Variants in CLSTN2 observed in about 807,000 individuals in gnomAD.
CLSTN2 encodes the protein calsyntenin-2.
CLSTN2 carries 48 observed loss-of-function variants against 101.2 expected under a neutral mutation model. The observed-to-expected ratio is 0.47, with a 90% CI of 0.38 to 0.60. The LOEUF is 0.60. Ranked by LOEUF, CLSTN2 falls within the 20% of genes least tolerant of loss-of-function variation. CLSTN2 has a pLI of 0.00. For synonymous variants in CLSTN2, 481 were observed against 463.6 expected, an observed-to-expected ratio of 1.04 and a Z score of -0.48; for missense variants, 1,160 against 1,238.2, an observed-to-expected ratio of 0.94 and a Z score of 0.95.
At chr3:140,198,015 G>C (rs140893137) in intron 2 of CLSTN2, among the ~76,000 whole-genome samples, 22 of 152,246 alleles carry the variant, frequency 1.4e-4, no homozygotes, top group African/African-American at 5.1e-4. Flanking sequence ...TCTTGAAGTG[G>C]TCTTGAAAGT....
At chr3:140,387,219 G>T (rs1222471246) in intron 2 of CLSTN2, among the ~76,000 whole-genome samples, 2 of 152,194 alleles carry the variant, frequency 1.3e-5, no homozygotes, top group East Asian at 3.9e-4. Context: ...GCATCAAGGA[G>T]ATCTCCACTG....
At chr3:140,485,378 C>T (rs1934215934) in intron 8 of CLSTN2, among the ~76,000 whole-genome samples, 1 of 152,228 alleles carries the variant, frequency 6.6e-6, no homozygotes, top group South Asian at 2.1e-4. Context: ...TAGGGGGTGC[C>T]TCCCAGATAG....
Position 140,375,484 on chromosome 3 carries a change from G to C in CLSTN2, c.233-28145G>C, listed in dbSNP as rs186617892. Among the ~76,000 whole-genome samples the C allele has an allele frequency of 1.5e-4, 23 of 152,248 alleles. No homozygotes were observed. In the East Asian group the frequency reaches 4.1e-3, roughly 27 times the overall value. ...AAGCACATGCCTCATGACCAAATGA[G>C]CTCTGTCTTCTTTTCCATTTTGTTT... is the stretch of plus-strand genomic sequence containing the variant. On this transcript the variant is annotated intron_variant, in intron 2 of 16. Transcript: ENST00000458420.
intron 1 of CLSTN2, among the ~76,000 whole-genome samples, chr3:140,088,067 AC>A: frequency 6.6e-6 from 1 of 152,114 alleles, no homozygotes; most frequent in Non-Finnish European, 1.5e-5. Flanking sequence ...TATCTCATCA[AC>A]CGTTCGTTAT....
chr3:140,019,670 C>T (rs180677412), intron 1 of CLSTN2, among the ~76,000 whole-genome samples: 15 of 152,078 alleles, frequency 9.9e-5, no homozygotes, highest in Admixed American at 1.3e-4. Flanking sequence ...TGGGTTTGCA[C>T]TTTAGAAAGG....
At chr3:140,251,885 G>A (rs1478077934) in intron 2 of CLSTN2, among the ~76,000 whole-genome samples, 2 of 152,124 alleles carry the variant, frequency 1.3e-5, no homozygotes, top group Non-Finnish European at 2.9e-5. Context: ...GAAAGAGGAG[G>A]TTTCAAAAAA....
At chr3:140,416,015 T>C (rs957476181) in intron 4 of CLSTN2, among the ~76,000 whole-genome samples, 1 of 152,150 alleles carries the variant, frequency 6.6e-6, no homozygotes, top group Non-Finnish European at 1.5e-5. Flanking sequence ...CAATGGAATA[T>C]TACTCAGCGT....
At chr3:140,310,378 A>G (rs1346851120) in intron 2 of CLSTN2, among the ~76,000 whole-genome samples, 1 of 150,830 alleles carries the variant, frequency 6.6e-6, no homozygotes, top group Non-Finnish European at 1.5e-5. Flanking sequence ...AGGCTCAGAC[A>G]CTCATTTGGT....
chr3:140,182,674 C>T (rs1323432715), intron 2 of CLSTN2, among the ~76,000 whole-genome samples: 2 of 152,202 alleles, frequency 1.3e-5, no homozygotes, highest in African/African-American at 4.8e-5. Context: ...TCTTCACCCT[C>T]CCTGCAGAAA....
chr3:140,440,766 G>C (rs565852456), intron 5 of CLSTN2, among the ~76,000 whole-genome samples: 1 of 152,318 alleles, frequency 6.6e-6, no homozygotes, highest in East Asian at 1.9e-4. Flanking sequence ...CTCCTTTGGG[G>C]CAATTAATTA....
At chr3:140,365,823 T>C (rs901716574) in intron 2 of CLSTN2, among the ~76,000 whole-genome samples, 7 of 152,212 alleles carry the variant, frequency 4.6e-5, no homozygotes, top group African/African-American at 1.7e-4. Context: ...AACATTTTCC[T>C]TTGCTTATGA....
At chr3:139,963,566 T>A (rs1410423594) in intron 1 of CLSTN2, among the ~76,000 whole-genome samples, 1 of 152,196 alleles carries the variant, frequency 6.6e-6, no homozygotes, top group Non-Finnish European at 1.5e-5. Flanking sequence ...CAGAGATTGG[T>A]ATTGTCTCTG....
intron 12 of CLSTN2, among the ~76,000 whole-genome samples, chr3:140,561,114 T>C (rs2107793583): frequency 6.6e-6 from 1 of 152,126 alleles, no homozygotes; most frequent in East Asian, 1.9e-4. Context: ...TAATAAATGT[T>C]TTATAACACA....
intron 2 of CLSTN2, among the ~76,000 whole-genome samples, chr3:140,288,125 AC>A (rs60470379): frequency 0.91 from 135,586 of 148,574 alleles, 62,250 homozygotes; most frequent in Non-Finnish European, 0.96. Context: ...AGAACAGGAA[AC>A]CGGCGGGGGG....
At chr3:140,314,840 T>C (rs566874872) in intron 2 of CLSTN2, among the ~76,000 whole-genome samples, 21 of 152,128 alleles carry the variant, frequency 1.4e-4, no homozygotes, top group African/African-American at 3.4e-4. Context: ...CCTGGGGACA[T>C]TGGTGTAACT....
intron 6 of CLSTN2, chr3:140,453,416 G>A (rs1933298893): frequency 6.6e-6 from 1 of 152,166 alleles, no homozygotes. Context: ...CTTTGGTAGA[G>A]GGCTCATTCA....
At chr3:140,188,192 G>A (rs1280397052) in intron 2 of CLSTN2, among the ~76,000 whole-genome samples, 2 of 152,214 alleles carry the variant, frequency 1.3e-5, no homozygotes, top group South Asian at 4.1e-4. Flanking sequence ...ACATGCTTAA[G>A]CTGACCTTTC....
intron 8 of CLSTN2, among the ~76,000 whole-genome samples, chr3:140,475,902 G>T (rs929908557): frequency 6.6e-6 from 1 of 152,206 alleles, no homozygotes; most frequent in Non-Finnish European, 1.5e-5. Flanking sequence ...TTGTTTTACA[G>T]TTAAAAAGAA....
intron 2 of CLSTN2, among the ~76,000 whole-genome samples, chr3:140,267,078 G>C (rs2086699383): frequency 6.6e-6 from 1 of 152,172 alleles, no homozygotes; most frequent in Non-Finnish European, 1.5e-5. Flanking sequence ...TGGAAACCAG[G>C]TCTACCTGGG....
Sources: gnomAD v4.1 joint callset for allele counts (sites outside exome capture counted in the v4.1 genomes callset) on GRCh38, gnomAD v4.1.1 for gene constraint, MANE v1.5 for transcripts, NCBI Gene and HGNC (gene_info 2026-07-23, HGNC 2026-07-21) for gene names.